The following SKAP2 variants were observed in gnomAD, a reference collection of about 807,000 sequenced individuals.
SKAP2 encodes src kinase associated phosphoprotein 2.
Under a neutral mutation model 54.9 loss-of-function variants are expected in SKAP2, and 28 were observed. The observed-to-expected ratio is 0.51, with a 90% CI of 0.38 to 0.70. The LOEUF (loss-of-function observed/expected upper bound fraction) is 0.70. Among genes scored for constraint, SKAP2 ranks in the 30% least tolerant of loss-of-function variants. The probability of loss-of-function intolerance (pLI) is 0.00; values close to 1 mark genes in which losing one functional copy is unlikely to be tolerated. For synonymous variants in SKAP2, 137 were observed against 134.3 expected, an observed-to-expected ratio of 1.02 and a Z score of -0.14; for missense variants, 356 against 424.1, an observed-to-expected ratio of 0.84 and a Z score of 1.41.
At chr7:26,832,761 A>G (rs1323235614) in intron 4 of SKAP2, among the ~76,000 whole-genome samples, 2 of 152,218 alleles carry the variant, frequency 1.3e-5, no homozygotes. Context: ...ATGAGACTGG[A>G]GTAATGAAGA....
intron 3 of SKAP2, among the ~76,000 whole-genome samples, chr7:26,852,731 T>C (rs1355271096): frequency 6.6e-6 from 1 of 152,186 alleles, no homozygotes; most frequent in Non-Finnish European, 1.5e-5. Context: ...CTGATCCATA[T>C]GCAATTACAC....
chr7:26,670,193 C>T lies in SKAP2; in HGVS notation c.988-1G>A, dbSNP rs1448886327. On this transcript the variant is annotated splice_acceptor_variant, in intron 11 of 12. Coordinates refer to ENST00000345317, the MANE Select transcript of SKAP2 (RefSeq NM_003930.5). LOFTEE classifies it high-confidence loss of function. Reference sequence around the variant, plus strand: ...CCCACCAGCCATATCTATTGTATTCCTAATTGAAAACAATATGCAATATTA... The same window carrying T: ...CCCACCAGCCATATCTATTGTATTCTTAATTGAAAACAATATGCAATATTA... 6.8e-7 allele frequency: 1 copy of T among 1,465,594 alleles called. No homozygotes were observed. Among genetic ancestry groups the T allele is most frequent in the Non-Finnish European group, 9.6e-7 (1 of 1,045,012 alleles). The allele number at this position is 1,465,594 out of a possible 1,614,324, so 90.8% of individuals were successfully genotyped here. A position where few individuals can be genotyped will look rare whatever the true frequency, so the allele number is the denominator to read the frequency against.
intron 3 of SKAP2, among the ~76,000 whole-genome samples, chr7:26,850,314 T>G (rs1191279547): frequency 1.3e-5 from 2 of 152,036 alleles, no homozygotes; most frequent in Non-Finnish European, 2.9e-5. Context: ...GCATGGTGAC[T>G]CATGCCTGTA....
intron 11 of SKAP2, among the ~76,000 whole-genome samples, chr7:26,679,914 T>G (rs1786448762): frequency 6.6e-6 from 1 of 152,178 alleles, no homozygotes. Context: ...CCAACCAATA[T>G]ACACCAAAAA....
intron 4 of SKAP2, among the ~76,000 whole-genome samples, chr7:26,823,212 A>C (rs1250411410): frequency 6.6e-6 from 1 of 152,026 alleles, no homozygotes; most frequent in Non-Finnish European, 1.5e-5. Context: ...GATTACCTGC[A>C]GTCAGGAGTT....
chr7:26,678,215 C>T lies in SKAP2; in HGVS notation c.987+6521G>A, dbSNP rs1786399287. On this transcript the variant is annotated intron_variant, in intron 11 of 12. Coordinates refer to ENST00000345317, the MANE Select transcript of SKAP2 (RefSeq NM_003930.5). Reference sequence around the variant, plus strand: ...TACCTAGAACAGGACATTGTAAATGCTCAATAAACACTTTTTCATTCCCTC... The same window carrying T: ...TACCTAGAACAGGACATTGTAAATGTTCAATAAACACTTTTTCATTCCCTC... Among the ~76,000 whole-genome samples, 3 of 152,048 alleles carry T rather than the reference C, an allele frequency of 2.0e-5. No homozygotes were observed. The South Asian group carries it at 6.2e-4, about 31-fold the overall frequency.
chr7:26,690,226 T>A, intron 10 of SKAP2, 59 bp downstream of exon 10: 3 of 1,225,462 alleles, frequency 2.4e-6, no homozygotes, highest in Non-Finnish European at 3.6e-6. Context: ...AGAACATGGA[T>A]AAAATGAAAG....
intron 4 of SKAP2, among the ~76,000 whole-genome samples, chr7:26,800,214 G>A (rs915931714): frequency 6.6e-6 from 1 of 151,984 alleles, no homozygotes; most frequent in African/African-American, 2.4e-5. Flanking sequence ...AATAACAAGA[G>A]GAATTTTGGA....
intron 9 of SKAP2, among the ~76,000 whole-genome samples, chr7:26,720,201 G>A (rs1198203897): frequency 1.3e-5 from 2 of 152,150 alleles, no homozygotes; most frequent in Non-Finnish European, 2.9e-5. Flanking sequence ...TTGCAAAAAT[G>A]AGTCATTTTA....
At chr7:26,763,140 A>G (rs1782969625) in intron 4 of SKAP2, among the ~76,000 whole-genome samples, 1 of 152,156 alleles carries the variant, frequency 6.6e-6, no homozygotes, top group South Asian at 2.1e-4. Flanking sequence ...TTTTAATAAT[A>G]CCAAATATTT....
intron 6 of SKAP2, among the ~76,000 whole-genome samples, chr7:26,728,156 G>T (rs1787747599): frequency 6.6e-6 from 1 of 152,008 alleles, no homozygotes; most frequent in Non-Finnish European, 1.5e-5. Flanking sequence ...AATGTCTAAA[G>T]AAACAATCAA....
chr7:26,819,116 T>C (rs970716712), intron 4 of SKAP2, among the ~76,000 whole-genome samples: 1 of 152,118 alleles, frequency 6.6e-6, no homozygotes, highest in African/African-American at 2.4e-5. Flanking sequence ...TAAAGACACA[T>C]GCACACATAT....
At position 26,670,477 on chromosome 7, in the gene SKAP2, C is replaced by T. The variant is rs111477138; in HGVS notation, c.988-285G>A. On this transcript the variant is annotated intron_variant, in intron 11 of 12. Coordinates refer to ENST00000345317, the MANE Select transcript of SKAP2 (RefSeq NM_003930.5). ...GAAACTACCTCAGGAAGCCTTCTCT[C>T]GGGGACACTCTCTCTCTCCACAGAG... 5.9e-5 allele frequency among the ~76,000 whole-genome samples: 9 copies of T among 152,076 alleles called. 1 individual carries two copies. The highest frequency in any genetic ancestry group is 2.2e-4 in the African/African-American group (9 of 41,508).
chr7:26,785,340 C>T (rs1382943329), intron 4 of SKAP2, among the ~76,000 whole-genome samples: 1 of 152,100 alleles, frequency 6.6e-6, no homozygotes, highest in Non-Finnish European at 1.5e-5. Context: ...GCGCCCGCCA[C>T]CACACCGGGC....
chr7:26,810,837 A>G (rs1359700668), intron 4 of SKAP2, among the ~76,000 whole-genome samples: 1 of 152,050 alleles, frequency 6.6e-6, no homozygotes, highest in African/African-American at 2.4e-5. Flanking sequence ...ACACGCCACC[A>G]TGCCTGGCTA....
chr7:26,858,419 G>C (rs79899936), intron 1 of SKAP2, among the ~76,000 whole-genome samples: 1 of 152,098 alleles, frequency 6.6e-6, no homozygotes, highest in African/African-American at 2.4e-5. Context: ...GGGGGAGAAG[G>C]CCTCTGAAAA....
At chr7:26,741,639 A>G (rs1782458494) in intron 4 of SKAP2, among the ~76,000 whole-genome samples, 1 of 152,094 alleles carries the variant, frequency 6.6e-6, no homozygotes, top group Non-Finnish European at 1.5e-5. Context: ...GAAAGAATAA[A>G]TGGTTGAGGT....
intron 4 of SKAP2, among the ~76,000 whole-genome samples, chr7:26,805,362 G>A (rs1346418387): frequency 6.6e-6 from 1 of 152,140 alleles, no homozygotes; most frequent in African/African-American, 2.4e-5. Context: ...TTTAAAATGA[G>A]TTCACAAATT....
intron 4 of SKAP2, among the ~76,000 whole-genome samples, chr7:26,757,506 C>T (rs576894029): frequency 7.2e-5 from 11 of 152,166 alleles, no homozygotes; most frequent in East Asian, 5.8e-4. Context: ...TATTTCTGAG[C>T]GCTCTGTTCT....
Sources: allele counts gnomAD v4.1 joint callset (sites outside exome capture counted in the v4.1 genomes callset), GRCh38; gene constraint gnomAD v4.1.1; transcripts MANE v1.5; gene names NCBI Gene and HGNC (gene_info 2026-07-23, HGNC 2026-07-21).